Variants in CTNNA2 observed in about 807,000 individuals in gnomAD.
The protein encoded by CTNNA2 is catenin alpha-2.
A neutral mutation model predicts 101.0 loss-of-function variants in CTNNA2; 42 were observed. The ratio of observed to expected loss-of-function variants is 0.42; its 90% CI spans 0.32 to 0.54. The LOEUF is 0.54. Ranked by LOEUF, CTNNA2 falls within the 20% of genes least tolerant of loss-of-function variation. CTNNA2 has a pLI of 0.14. For synonymous variants in CTNNA2, 450 were observed against 456.4 expected (o/e 0.99, Z 0.18); for missense variants, 871 against 1,223.1 (o/e 0.71, Z 4.29).
At chr2:79,787,124 C>T (rs1674904243) in intron 3 of CTNNA2, among the ~76,000 whole-genome samples, 2 of 152,100 alleles carry the variant, frequency 1.3e-5, no homozygotes, top group Non-Finnish European at 2.9e-5. Flanking sequence ...TTCCTTGAAA[C>T]AGGTGCTAAA....
intron 7 of CTNNA2, among the ~76,000 whole-genome samples, chr2:79,929,752 T>C (rs1687263896): frequency 6.6e-6 from 1 of 152,114 alleles, no homozygotes; most frequent in Non-Finnish European, 1.5e-5. Context: ...GTTTGAAAAA[T>C]GAGAGGGAAG....
At position 79,704,551 on chromosome 2, in the gene CTNNA2, T is replaced by C. The variant is rs995298690; in HGVS notation, c.103-39836T>C. Among the ~76,000 whole-genome samples, 22 of 150,270 alleles carry C rather than the reference T, an allele frequency of 1.5e-4. No homozygotes were observed. The Middle Eastern group carries it at 0.014, about 94-fold the overall frequency. ...TTTTTGAGACGGAGTCTCGCTCTGTTCCCCAGGCTGGAGTGCAGTGGCACA... is the reference window on the plus strand; with the variant it reads ...TTTTTGAGACGGAGTCTCGCTCTGTCCCCCAGGCTGGAGTGCAGTGGCACA... On this transcript the variant is annotated intron_variant, in intron 2 of 18. Coordinates refer to ENST00000402739, the MANE Select transcript of CTNNA2 (RefSeq NM_001282597.3).
chr2:80,172,010 T>G (rs1705091725), intron 7 of CTNNA2, among the ~76,000 whole-genome samples: 1 of 152,062 alleles, frequency 6.6e-6, no homozygotes, highest in Non-Finnish European at 1.5e-5. Flanking sequence ...GAGGAAGTAT[T>G]ATGAGGGTGC....
chr2:80,217,223 G>T (rs1708324056), intron 7 of CTNNA2, among the ~76,000 whole-genome samples: 1 of 152,148 alleles, frequency 6.6e-6, no homozygotes, highest in Middle Eastern at 3.4e-3. Context: ...AGGGTTGGTT[G>T]GCATATATAT....
intron 7 of CTNNA2, among the ~76,000 whole-genome samples, chr2:79,969,195 C>G (rs1045354873): frequency 1.3e-5 from 2 of 152,094 alleles, no homozygotes; most frequent in African/African-American, 4.8e-5. Flanking sequence ...TTAACAAGAA[C>G]AACAACAACA....
rs567025067 is a variant in CTNNA2 at position 79,666,430 on chromosome 2, T to C, written c.102+14772T>C. 1.1e-3 allele frequency among the ~76,000 whole-genome samples: 172 copies of C among 152,358 alleles called. 1 individual carries two copies. Among genetic ancestry groups the C allele is most frequent in the African/African-American group, 3.9e-3 (164 of 41,588 alleles). On this transcript the variant is annotated intron_variant, in intron 2 of 18. Coordinates refer to ENST00000402739, the MANE Select transcript of CTNNA2 (RefSeq NM_001282597.3). The stretch of plus-strand genomic sequence containing the variant: ...GCAGAATTTGTGATTGACTTTGATG[T>C]CATGGGACTCTTTTTAGTATTTTCA...
At chr2:79,350,772 C>G (rs191705877) in intron 3 of CTNNA2, among the ~76,000 whole-genome samples, 2 of 152,142 alleles carry the variant, frequency 1.3e-5, no homozygotes, top group Admixed American at 1.3e-4. Context: ...TAGTCATTCC[C>G]TTTCCTCTGC....
chr2:80,591,457 G>GTTTTTTATTTTTTTTTT (rs1696486813), intron 15 of CTNNA2, among the ~76,000 whole-genome samples: 1 of 70,314 alleles, frequency 1.4e-5, no homozygotes, highest in Non-Finnish European at 3.0e-5. Context: ...TGCACAGCCT[G>GTTTTTTATTTTTTTTTT]TTTTTTTTTT....
At chr2:80,122,332 G>A (rs1701889889) in intron 7 of CTNNA2, among the ~76,000 whole-genome samples, 1 of 145,488 alleles carries the variant, frequency 6.9e-6, no homozygotes, top group African/African-American at 2.6e-5. Flanking sequence ...CTCTTTCTCT[G>A]TCTCTGTCTC....
At chr2:80,123,852 T>A (rs890925535) in intron 7 of CTNNA2, among the ~76,000 whole-genome samples, 11 of 152,154 alleles carry the variant, frequency 7.2e-5, no homozygotes, top group African/African-American at 2.7e-4. Flanking sequence ...TGATGGTGGC[T>A]ACCTTATCCG....
chr2:79,475,030 T>C (rs386271), intron 4 of CTNNA2, among the ~76,000 whole-genome samples: 48,522 of 152,014 alleles, frequency 0.32, 7,864 homozygotes, highest in South Asian at 0.45. Context: ...TTCCAATGAG[T>C]ATAAAAATGT....
At chr2:79,990,547 T>C (rs1170825838) in intron 7 of CTNNA2, among the ~76,000 whole-genome samples, 1 of 152,218 alleles carries the variant, frequency 6.6e-6, no homozygotes, top group East Asian at 1.9e-4. Flanking sequence ...AACCTGTCTA[T>C]GCTTCAGTTT....
At chr2:79,332,177 G>T (rs538037214) in intron 3 of CTNNA2, among the ~76,000 whole-genome samples, 1 of 151,768 alleles carries the variant, frequency 6.6e-6, no homozygotes, top group African/African-American at 2.4e-5. Flanking sequence ...AAAGGCTTGT[G>T]AATAAAAGAC....
intron 7 of CTNNA2, chr2:80,029,533 G>T (rs1396541688): frequency 6.6e-6 from 1 of 152,108 alleles, no homozygotes; most frequent in Non-Finnish European, 1.5e-5. Context: ...TAACATTTAG[G>T]ACCAAGGGAC....
intron 9 of CTNNA2, among the ~76,000 whole-genome samples, chr2:80,496,524 T>G (rs1468807649): frequency 6.6e-6 from 1 of 151,738 alleles, no homozygotes; most frequent in East Asian, 1.9e-4. Flanking sequence ...ACTAGCTAGC[T>G]AGCTATATGA....
At chr2:79,519,872 C>A (rs1485689958) in intron 1 of CTNNA2, among the ~76,000 whole-genome samples, 1 of 152,202 alleles carries the variant, frequency 6.6e-6, no homozygotes, top group Non-Finnish European at 1.5e-5. Flanking sequence ...TATTTAGGGA[C>A]TCTCCCAGTG....
intron 4 of CTNNA2, among the ~76,000 whole-genome samples, chr2:79,440,262 A>G (rs1678763184): frequency 6.6e-6 from 1 of 152,164 alleles, no homozygotes; most frequent in Non-Finnish European, 1.5e-5. Context: ...TGAAATGAAG[A>G]AGGAAAAGGA....
intron 4 of CTNNA2, among the ~76,000 whole-genome samples, chr2:79,420,186 T>C (rs1678526167): frequency 6.6e-6 from 1 of 152,154 alleles, no homozygotes; most frequent in Non-Finnish European, 1.5e-5. Flanking sequence ...AGCAAGAGCC[T>C]AGAATACAAG....
rs1674313077 is a variant in CTNNA2, at chr2:80,648,174, A to G, written c.*302A>G. 1 of 205,764 alleles carries G rather than the reference A, an allele frequency of 4.9e-6. No homozygotes were observed. Among genetic ancestry groups the G allele is most frequent in the Non-Finnish European group, 9.8e-6 (1 of 102,106 alleles). The allele number at this position is 205,764 out of a possible 1,614,324, so 12.7% of individuals were successfully genotyped here. On this transcript the variant is annotated 3_prime_UTR_variant, in exon 19 of 19. Transcript: ENST00000402739. ...TTTATGGGAGTGGGAGGGATGGGGA[A>G]AATAAACTTAACTCTACAAAAGCAA... is the stretch of plus-strand genomic sequence containing the variant.
Sources: gnomAD v4.1 joint callset for allele counts (sites outside exome capture counted in the v4.1 genomes callset) on GRCh38, gnomAD v4.1.1 for gene constraint, MANE v1.5 for transcripts, NCBI Gene and HGNC (gene_info 2026-07-23, HGNC 2026-07-21) for gene names.